The following UNC5D variants were observed in gnomAD, a reference collection of about 807,000 sequenced individuals.
The protein encoded by UNC5D is netrin receptor UNC5D.
A neutral mutation model predicts 105.4 loss-of-function variants in UNC5D; 39 were observed. The ratio of observed to expected loss-of-function variants is 0.37; its 90% confidence interval spans 0.29 to 0.48. The LOEUF is 0.48. Ranked by LOEUF, UNC5D falls within the 20% of genes least tolerant of loss-of-function variation. The pLI is 0.98. For missense variants in UNC5D, 991 were observed against 1,202.4 expected, an observed-to-expected ratio of 0.82 and a Z score of 2.60; for synonymous variants, 452 against 450.4, an observed-to-expected ratio of 1.00 and a Z score of -0.04.
chr8:35,362,351 A>G (rs1052726047), intron 1 of UNC5D, among the ~76,000 whole-genome samples: 3 of 152,192 alleles, frequency 2.0e-5, no homozygotes, highest in Middle Eastern at 3.2e-3. Context: ...AAATAGGTGT[A>G]AAGCACTTAG....
At chr8:35,470,270 C>T (rs937135175) in intron 1 of UNC5D, among the ~76,000 whole-genome samples, 1 of 151,998 alleles carries the variant, frequency 6.6e-6, no homozygotes, top group Non-Finnish European at 1.5e-5. Context: ...AGAAAGACTC[C>T]TCTTTTAAAT....
intron 4 of UNC5D, among the ~76,000 whole-genome samples, chr8:35,657,078 G>GTGTGTATATATATATATATATATA (rs1823801558): frequency 3.8e-4 from 31 of 80,560 alleles, no homozygotes; most frequent in African/African-American, 1.8e-3. Flanking sequence ...GTGTGTGTGT[G>GTGTGTATATATATATATATATATA]TGTATATATA....
At chr8:35,642,718 C>T (rs1169239733) in intron 4 of UNC5D, among the ~76,000 whole-genome samples, 1 of 152,006 alleles carries the variant, frequency 6.6e-6, no homozygotes, top group Non-Finnish European at 1.5e-5. Flanking sequence ...ATTTAATTAG[C>T]ACATACTGCA....
chr8:35,260,454 T>A (rs887969055), intron 1 of UNC5D, among the ~76,000 whole-genome samples: 4 of 152,146 alleles, frequency 2.6e-5, no homozygotes, highest in Non-Finnish European at 4.4e-5. Flanking sequence ...CAGGAAGGGT[T>A]TTATTTATGC....
Position 35,365,531 on chromosome 8 carries a change from T to C in UNC5D, c.103+129644T>C, listed in dbSNP as rs1802063857. The stretch of plus-strand genomic sequence containing the variant: ...CCACACAGTTCTTTCCCTACCCCTG[T>C]TTTTGTCCAAAATTCTTTCACTGGA... On this transcript the variant is annotated intron_variant, in intron 1 of 16. Transcript: ENST00000404895. Among the ~76,000 whole-genome samples the C allele has an allele frequency of 2.7e-5, 4 of 150,600 alleles. No homozygotes were observed. The South Asian group carries it at 6.3e-4, about 24-fold the overall frequency.
At position 35,615,035 on chromosome 8, in the gene UNC5D, GGCCCC is replaced by G. The variant is rs1452171489; in HGVS notation, c.570+19379_570+19383del. Among the ~76,000 whole-genome samples, 7 of 53,830 alleles carry G rather than the reference GGCCCC, an allele frequency of 1.3e-4. 1 individual carries two copies. Among genetic ancestry groups the G allele is most frequent in the Middle Eastern group, 9.6e-3 (1 of 104 alleles). 35.3% of individuals were successfully genotyped at this position (53,830 alleles called of 152,430 possible). The stretch of plus-strand genomic sequence containing the variant: ...GACCAGCCTGGGCAACATAGTGAGG[GGCCCC>G]CCCCCCCCCGTCCCCCACCCCCCGA... On this transcript the variant is annotated intron_variant, in intron 4 of 16. Transcript: ENST00000404895.
At chr8:35,278,237 G>A (rs772578508) in intron 1 of UNC5D, among the ~76,000 whole-genome samples, 40 of 152,208 alleles carry the variant, frequency 2.6e-4, no homozygotes, top group Admixed American at 2.2e-3. Context: ...GTGTGCTTCC[G>A]GCTGCCCTCT....
At chr8:35,718,558 T>G (rs1006049132) in intron 8 of UNC5D, among the ~76,000 whole-genome samples, 16 of 152,196 alleles carry the variant, frequency 1.1e-4, no homozygotes, top group Non-Finnish European at 2.4e-4. Context: ...TGGGAAGTTA[T>G]AGAGATATTG....
At chr8:35,564,574 C>T (rs1278866632) in intron 2 of UNC5D, among the ~76,000 whole-genome samples, 3 of 152,134 alleles carry the variant, frequency 2.0e-5, no homozygotes, top group African/African-American at 7.2e-5. Flanking sequence ...GCATGCTCCA[C>T]TCCAGCTTGC....
intron 1 of UNC5D, among the ~76,000 whole-genome samples, chr8:35,258,051 C>T (rs1804202863): frequency 6.6e-6 from 1 of 152,168 alleles, no homozygotes; most frequent in Non-Finnish European, 1.5e-5. Context: ...ATTTCTTGCT[C>T]ATGGTTTTGG....
intron 1 of UNC5D, among the ~76,000 whole-genome samples, chr8:35,350,989 C>CTAA (rs1158256501): frequency 1.3e-5 from 2 of 152,066 alleles, no homozygotes; most frequent in Non-Finnish European, 2.9e-5. Context: ...TTCAAACAGA[C>CTAA]TGTATCTTGA....
chr8:35,583,546 G>A (rs1396331621), intron 3 of UNC5D, among the ~76,000 whole-genome samples: 1 of 151,976 alleles, frequency 6.6e-6, no homozygotes, highest in Admixed American at 6.6e-5. Flanking sequence ...CATTCACCTA[G>A]GACTCGATTT....
chr8:35,377,408 G>A (rs1403127719), intron 1 of UNC5D, among the ~76,000 whole-genome samples: 2 of 152,168 alleles, frequency 1.3e-5, no homozygotes, highest in African/African-American at 2.4e-5. Context: ...GGAAAGCACA[G>A]CAGGCAGCAC....
At chr8:35,240,708 A>G (rs1056972395) in intron 1 of UNC5D, among the ~76,000 whole-genome samples, 1 of 152,242 alleles carries the variant, frequency 6.6e-6, no homozygotes, top group African/African-American at 2.4e-5. Flanking sequence ...TATGCAGAAA[A>G]GAAAATGACC....
At chr8:35,343,941 G>A (rs1268434891) in intron 1 of UNC5D, among the ~76,000 whole-genome samples, 2 of 152,054 alleles carry the variant, frequency 1.3e-5, no homozygotes, top group African/African-American at 4.8e-5. Flanking sequence ...TCATCTGAAG[G>A]TTACATAAGA....
chr8:35,408,633 G>A (rs1399683313), intron 1 of UNC5D, among the ~76,000 whole-genome samples: 1 of 151,728 alleles, frequency 6.6e-6, no homozygotes, highest in African/African-American at 2.4e-5. Context: ...GGAACCGGAA[G>A]GGGTATTTCC....
At chr8:35,545,520 G>A (rs1815594062) in intron 1 of UNC5D, among the ~76,000 whole-genome samples, 1 of 152,106 alleles carries the variant, frequency 6.6e-6, no homozygotes. Context: ...CTGGAGGGCA[G>A]CCACCTACTG....
At position 35,580,832 on chromosome 8, in the gene UNC5D, A is replaced by G. The variant is rs1413561504; in HGVS notation, c.466+12591A>G. 2.6e-5 allele frequency among the ~76,000 whole-genome samples: 4 copies of G among 152,322 alleles called. No homozygotes were observed. In the East Asian group the frequency reaches 5.8e-4, roughly 22 times the overall value. ...TTTGACTAAAGAGAGCACAGTTGGA[A>G]CAATAGCTAGAGTTAATGATTTGAG... On this transcript the variant is annotated intron_variant, in intron 3 of 16. Transcript: ENST00000404895.
At chr8:35,704,492 A>T (rs1325125207) in intron 7 of UNC5D, among the ~76,000 whole-genome samples, 1 of 152,192 alleles carries the variant, frequency 6.6e-6, no homozygotes, top group Non-Finnish European at 1.5e-5. Context: ...TTAAAAACAT[A>T]ATCCAAAATG....
Sources: allele counts gnomAD v4.1 joint callset (sites outside exome capture counted in the v4.1 genomes callset), GRCh38; gene constraint gnomAD v4.1.1; transcripts MANE v1.5; gene names NCBI Gene and HGNC (gene_info 2026-07-23, HGNC 2026-07-21).